NRXN3: variants seen among roughly 807,000 people sequenced by gnomAD.
NRXN3 encodes neurexin III.
NRXN3 carries 32 observed loss-of-function variants against 137.6 expected under a neutral mutation model. The observed-to-expected ratio is 0.23, with a 90% CI of 0.18 to 0.31. The LOEUF (loss-of-function observed/expected upper bound fraction) is 0.31. NRXN3 is among the 10% of genes least tolerant of loss of function. The probability of loss-of-function intolerance (pLI) is 1.00; values close to 1 mark genes in which losing one functional copy is unlikely to be tolerated. For synonymous variants in NRXN3, 798 were observed against 784.5 expected (o/e 1.02, Z -0.29); for missense variants, 1,574 against 2,062.5 (o/e 0.76, Z 4.59).
intron 15 of NRXN3, among the ~76,000 whole-genome samples, chr14:79,039,587 G>A (rs10136936): frequency 2.4e-4 from 36 of 152,124 alleles, no homozygotes; most frequent in African/African-American, 8.0e-4. Context: ...TTGTCCGTCT[G>A]TCTACCTCTC....
intron 8 of NRXN3, among the ~76,000 whole-genome samples, chr14:78,759,936 C>T (rs990347817): frequency 4.0e-5 from 6 of 151,884 alleles, no homozygotes; most frequent in African/African-American, 1.5e-4. Flanking sequence ...ATTAGTATGC[C>T]CACTTTACAG....
At chr14:79,299,379 A>G (rs2084751713) in intron 15 of NRXN3, among the ~76,000 whole-genome samples, 1 of 152,128 alleles carries the variant, frequency 6.6e-6, no homozygotes, top group East Asian at 1.9e-4. Context: ...CTGTAAAGGA[A>G]GAGAGTAAAC....
intron 15 of NRXN3, among the ~76,000 whole-genome samples, chr14:79,338,035 C>T (rs999982915): frequency 3.3e-5 from 5 of 152,046 alleles, no homozygotes; most frequent in Non-Finnish European, 7.4e-5. Context: ...AAGATTACTT[C>T]CTTGGTTCTC....
intron 15 of NRXN3, among the ~76,000 whole-genome samples, chr14:79,430,149 A>G (rs2095723500): frequency 2.6e-5 from 4 of 152,194 alleles, no homozygotes; most frequent in Admixed American, 1.3e-4. Context: ...TTTTCTGTGA[A>G]ATTGTCCTCG....
intron 10 of NRXN3, among the ~76,000 whole-genome samples, chr14:78,927,783 A>G (rs954583376): frequency 1.3e-5 from 2 of 152,116 alleles, no homozygotes; most frequent in Non-Finnish European, 2.9e-5. Flanking sequence ...AAGCTTGCCA[A>G]TGCTCATATT....
At chr14:78,847,146 T>C (rs946009932) in intron 10 of NRXN3, among the ~76,000 whole-genome samples, 1 of 152,078 alleles carries the variant, frequency 6.6e-6, no homozygotes, top group Non-Finnish European at 1.5e-5. Context: ...AAGAGAATTA[T>C]GGCCAATGAA....
rs1326098115 is a variant in NRXN3 at position 78,966,304 on chromosome 14, C to G, written c.2675C>G (p.Ser892Cys). The stretch of plus-strand genomic sequence containing the variant: ...CTTGCCACTCTTCAGGCTTACACCT[C>G]CATGCACCTCTTCTTCCAGTTCAAG... ...LSLATLQAYTSMHLFFQFKTT... is the reference protein window; with the variant it reads ...LSLATLQAYTCMHLFFQFKTT... Residue 892 changes from serine (S) to cysteine (C), a missense_variant, in exon 12 of 21, where the codon TCC becomes TGC. Ser to Cys is a moderately radical substitution (Grantham distance 112, BLOSUM62 -1). This residue lies in a region of NRXN3 where 718 missense variants were observed against 887.6 expected (regional missense o/e 0.81). Coordinates refer to ENST00000335750, the MANE Select transcript of NRXN3 (RefSeq NM_001330195.2). 6.2e-6 allele frequency: 10 copies of G among 1,614,078 alleles called. No homozygotes were observed. Among genetic ancestry groups the G allele is most frequent in the South Asian group, 1.1e-5 (1 of 91,088 alleles).
intron 17 of NRXN3, among the ~76,000 whole-genome samples, chr14:79,678,926 G>C (rs1354291267): frequency 6.6e-6 from 1 of 151,886 alleles, no homozygotes; most frequent in Non-Finnish European, 1.5e-5. Context: ...CACCCGGTCC[G>C]TTTCCCTGCT....
At chr14:79,558,339 T>A (rs185818145) in intron 16 of NRXN3, among the ~76,000 whole-genome samples, 3 of 152,322 alleles carry the variant, frequency 2.0e-5, no homozygotes, top group Admixed American at 1.3e-4. Flanking sequence ...ATTAGAAGAA[T>A]CAGTGTCTAT....
chr14:79,022,777 T>C (rs2099591762), intron 15 of NRXN3, among the ~76,000 whole-genome samples: 1 of 152,160 alleles, frequency 6.6e-6, no homozygotes, highest in Admixed American at 6.6e-5. Context: ...GGTTAAAAGG[T>C]GATTAATCTT....
intron 10 of NRXN3, among the ~76,000 whole-genome samples, chr14:78,877,327 T>A (rs2099116226): frequency 6.6e-6 from 1 of 152,162 alleles, no homozygotes; most frequent in African/African-American, 2.4e-5. Flanking sequence ...TGATATTTTC[T>A]GAAGGTCCCC....
chr14:79,715,841 A>T (rs2098821903), intron 19 of NRXN3, among the ~76,000 whole-genome samples: 1 of 152,232 alleles, frequency 6.6e-6, no homozygotes, highest in African/African-American at 2.4e-5. Context: ...GAGATATTAG[A>T]TTGCAAAAGA....
chr14:78,599,908 G>A (rs2097189169), intron 4 of NRXN3, among the ~76,000 whole-genome samples: 1 of 152,162 alleles, frequency 6.6e-6, no homozygotes, highest in Admixed American at 6.5e-5. Context: ...ATCATTATAG[G>A]CTGGGCCAGG....
chr14:78,373,761 A>G lies in NRXN3; in HGVS notation c.757+75901A>G, dbSNP rs569098571. ...TGCAAGGGAGATGGAGCCCTCCTGA[A>G]TTCCTGGCAGAGCTATTGAGATGAA... On this transcript the variant is annotated intron_variant, in intron 4 of 20. Transcript: ENST00000335750. 3.3e-5 allele frequency among the ~76,000 whole-genome samples: 5 copies of G among 152,260 alleles called. No homozygotes were observed. In the East Asian group the frequency reaches 9.7e-4, roughly 29 times the overall value.
chr14:79,248,258 T>C (rs995013580), intron 15 of NRXN3, among the ~76,000 whole-genome samples: 2 of 152,152 alleles, frequency 1.3e-5, no homozygotes, highest in Non-Finnish European at 2.9e-5. Context: ...TCTCCCTTCC[T>C]TTTGAGCATT....
chr14:79,771,910 T>A (rs2139811022), intron 19 of NRXN3, among the ~76,000 whole-genome samples: 1 of 130,212 alleles, frequency 7.7e-6, no homozygotes, highest in African/African-American at 3.0e-5. Flanking sequence ...CTTCAGCTGA[T>A]AAGCAACTTC....
chr14:79,812,462 T>A (rs1603581664), intron 20 of NRXN3, among the ~76,000 whole-genome samples: 1 of 152,074 alleles, frequency 6.6e-6, no homozygotes. Context: ...ACCCTAAGGA[T>A]GTTGGAGCAC....
At position 78,696,450 on chromosome 14, in the gene NRXN3, A is replaced by G. The variant is rs566176099; in HGVS notation, c.1222-12767A>G. On this transcript the variant is annotated intron_variant, in intron 6 of 20. Transcript: ENST00000335750. The stretch of plus-strand genomic sequence containing the variant: ...ATCAACCCTATGAGGTAAATGTACT[A>G]TTGTTATCCTACTTCAAAGATGGGA... Among the ~76,000 whole-genome samples, 6 of 152,170 alleles carry G rather than the reference A, an allele frequency of 3.9e-5. No individual in the cohort carries two copies. The South Asian group carries it at 1.2e-3, about 32-fold the overall frequency.
chr14:79,818,968 T>A (rs187161179), intron 20 of NRXN3, among the ~76,000 whole-genome samples: 19 of 152,318 alleles, frequency 1.2e-4, no homozygotes, highest in Admixed American at 5.2e-4. Flanking sequence ...ATGTGTATAG[T>A]TGAAAATGTT....
Sources: gnomAD v4.1 joint callset for allele counts (sites outside exome capture counted in the v4.1 genomes callset) on GRCh38, gnomAD v4.1.1 for gene constraint, gnomAD v4.1.1 regional missense constraint, MANE v1.5 for transcripts, NCBI Gene and HGNC (gene_info 2026-07-23, HGNC 2026-07-21) for gene names.